Variants in SPTLC2 observed in about 807,000 individuals in gnomAD.
SPTLC2 encodes serine palmitoyltransferase 2.
Under a neutral mutation model 62.0 loss-of-function variants are expected in SPTLC2, and 21 were observed. The ratio of observed to expected loss-of-function variants is 0.34; its 90% CI spans 0.24 to 0.49. The LOEUF is 0.49. Among genes scored for constraint, SPTLC2 ranks in the 20% least tolerant of loss-of-function variants. The pLI, the probability that SPTLC2 is intolerant of heterozygous loss-of-function variation, is 0.99. For synonymous variants in SPTLC2, 261 were observed against 261.8 expected (o/e 1.00, Z 0.03); for missense variants, 511 against 713.0 (o/e 0.72, Z 3.23).
At chr14:77,533,136 A>G (rs2079449644) in intron 9 of SPTLC2, among the ~76,000 whole-genome samples, 1 of 151,702 alleles carries the variant, frequency 6.6e-6, no homozygotes, top group Non-Finnish European at 1.5e-5. Flanking sequence ...TGTCTCTACT[A>G]AAAAAATACA....
intron 2 of SPTLC2, among the ~76,000 whole-genome samples, chr14:77,582,987 C>A (rs574142462): frequency 6.6e-6 from 1 of 152,070 alleles, no homozygotes; most frequent in African/African-American, 2.4e-5. Context: ...ATCGCTTGAG[C>A]CCAGGAGTTT....
At position 77,537,057 on chromosome 14, in the gene SPTLC2, G is replaced by A. The variant is rs568455275; in HGVS notation, c.1303+15039C>T. Among the ~76,000 whole-genome samples, 41 of 151,986 alleles carry A rather than the reference G, an allele frequency of 2.7e-4. 1 individual carries two copies. Among genetic ancestry groups the A allele is most frequent in the African/African-American group, 9.7e-4 (40 of 41,442 alleles). ...CCTGCCTCAGCCTCCTGAATAGCTG[G>A]GACTACAGGCACCTGCCACCACACC... On this transcript the variant is annotated intron_variant, in intron 9 of 11. Transcript: ENST00000216484.
intron 5 of SPTLC2, among the ~76,000 whole-genome samples, chr14:77,562,883 G>T (rs1269190827): frequency 6.6e-6 from 1 of 152,170 alleles, no homozygotes; most frequent in Non-Finnish European, 1.5e-5. Context: ...AGCTGATGGG[G>T]TCATGTCTGT....
intron 9 of SPTLC2, among the ~76,000 whole-genome samples, chr14:77,533,521 G>A (rs908241282): frequency 2.6e-5 from 4 of 152,120 alleles, no homozygotes; most frequent in Non-Finnish European, 4.4e-5. Context: ...TAAAAGGGGC[G>A]AAGCTGAGCA....
At chr14:77,544,759 T>C (rs1250242046) in intron 9 of SPTLC2, among the ~76,000 whole-genome samples, 1 of 152,154 alleles carries the variant, frequency 6.6e-6, no homozygotes, top group African/African-American at 2.4e-5. Context: ...TGCGCCTCCT[T>C]CTCCATTCTT....
At chr14:77,545,906 T>C (rs910575155) in intron 9 of SPTLC2, among the ~76,000 whole-genome samples, 2 of 152,118 alleles carry the variant, frequency 1.3e-5, no homozygotes, top group African/African-American at 4.8e-5. Flanking sequence ...GAATAAAAAA[T>C]AGACACACCA....
At chr14:77,603,511 T>C (rs2140061088) in intron 1 of SPTLC2, among the ~76,000 whole-genome samples, 1 of 152,236 alleles carries the variant, frequency 6.6e-6, no homozygotes, top group South Asian at 2.1e-4. Context: ...TAGGCTATAC[T>C]GTGCTCTGAA....
chr14:77,588,322 A>G (rs1238793076), intron 2 of SPTLC2, among the ~76,000 whole-genome samples: 1 of 152,190 alleles, frequency 6.6e-6, no homozygotes, highest in Admixed American at 6.5e-5. Context: ...TTGTTTCAAA[A>G]CTTAAATTAA....
intron 9 of SPTLC2, among the ~76,000 whole-genome samples, chr14:77,547,065 A>G (rs2079532141): frequency 6.6e-6 from 1 of 151,934 alleles, no homozygotes; most frequent in Admixed American, 6.6e-5. Context: ...GGGTTTCTCC[A>G]TGTTGGTCAG....
chr14:77,582,828 C>T (rs908470296), intron 2 of SPTLC2, among the ~76,000 whole-genome samples: 3 of 152,138 alleles, frequency 2.0e-5, no homozygotes, highest in African/African-American at 4.8e-5. Context: ...GACTTACGGC[C>T]GAAATCTCAG....
Position 77,508,571 on chromosome 14 carries a change from T to A in SPTLC2, c.*3713A>T, listed in dbSNP as rs1037335617. The A allele has an allele frequency of 1.3e-5, 2 of 152,158 alleles. No homozygotes were observed. The highest frequency in any genetic ancestry group is 1.9e-4 in the East Asian group (1 of 5,194). The allele number at this position is 152,158 out of a possible 1,614,324, so 9.4% of individuals were successfully genotyped here. ...AAGGGGAAAAACATAAAAGTAGTGG[T>A]AAATGTCATCACTTTTTTCCTCCCT... On this transcript the variant is annotated 3_prime_UTR_variant, in exon 12 of 12. Transcript: ENST00000216484.
intron 11 of SPTLC2, among the ~76,000 whole-genome samples, chr14:77,516,887 G>C (rs1285663395): frequency 6.6e-6 from 1 of 152,188 alleles, no homozygotes; most frequent in Non-Finnish European, 1.5e-5. Context: ...GGCTATTCAG[G>C]AATACAAAAT....
In SPTLC2 at chr14:77,616,585, T is replaced by C. The variant is rs749483853; in HGVS notation, c.-6A>G. 2.6e-6 allele frequency: 4 copies of C among 1,538,646 alleles called. No individual in the cohort carries two copies. The highest frequency in any genetic ancestry group is 2.4e-5 in the East Asian group (1 of 41,132). ...CCTCCGGGCTCCGGCCGCATCTTCC[T>C]GGCAGCACCAGGCGCAAGGCAGGCT... On this transcript the variant is annotated 5_prime_UTR_variant, in exon 1 of 12. Coordinates refer to ENST00000216484, the MANE Select transcript of SPTLC2 (RefSeq NM_004863.4).
At chr14:77,541,016 TTTA>T (rs756115353) in intron 9 of SPTLC2, among the ~76,000 whole-genome samples, 14 of 70,950 alleles carry the variant, frequency 2.0e-4, no homozygotes, top group Non-Finnish European at 3.2e-4. Context: ...TGCAAAACAT[TTTA>T]TTTATTTATT....
At chr14:77,529,253 C>CTTT (rs67561245) in intron 9 of SPTLC2, among the ~76,000 whole-genome samples, 4 of 122,126 alleles carry the variant, frequency 3.3e-5, no homozygotes, top group African/African-American at 8.5e-5. Flanking sequence ...AAAACTTCTT[C>CTTT]TTTTTTTTTT....
At chr14:77,561,687 A>G (rs2079615996) in intron 6 of SPTLC2, among the ~76,000 whole-genome samples, 1 of 152,146 alleles carries the variant, frequency 6.6e-6, no homozygotes, top group African/African-American at 2.4e-5. Context: ...AAAACATTTT[A>G]GACAAGACAA....
intron 9 of SPTLC2, among the ~76,000 whole-genome samples, chr14:77,528,419 C>T (rs778104881): frequency 5.9e-5 from 9 of 152,000 alleles, no homozygotes; most frequent in Non-Finnish European, 1.3e-4. Flanking sequence ...TTAGTAGAGA[C>T]GGGGTTTCTC....
intron 9 of SPTLC2, among the ~76,000 whole-genome samples, chr14:77,541,032 T>C (rs1477979823): frequency 6.6e-6 from 1 of 151,874 alleles, no homozygotes; most frequent in Non-Finnish European, 1.5e-5. Context: ...TATTTATTTA[T>C]TTATTTATTT....
rs370170064 is a variant in SPTLC2 at position 77,557,107 on chromosome 14, A to G, written c.890T>C (p.Val297Ala). Residue 297 changes from valine (V) to alanine (A), a missense_variant, in exon 7 of 12, where the codon GTT becomes GCT. Transcript: ENST00000216484. ...CCTTCGTGTCCGAGGCTGACCATAA[A>G]CAATGGCATCTTTCAATAGCTTCTC... ...SLEKLLKDAI[V>A]YGQPRTRRPW... 1.2e-6 allele frequency: 2 copies of G among 1,613,854 alleles called. No individual in the cohort carries two copies. Among genetic ancestry groups the G allele is most frequent in the Non-Finnish European group, 1.7e-6 (2 of 1,180,046 alleles).
Sources: gnomAD v4.1 joint callset for allele counts (sites outside exome capture counted in the v4.1 genomes callset) on GRCh38, gnomAD v4.1.1 for gene constraint, MANE v1.5 for transcripts, NCBI Gene and HGNC (gene_info 2026-07-23, HGNC 2026-07-21) for gene names.